The following IBTK variants were observed in gnomAD, a reference collection of about 807,000 sequenced individuals.
The protein encoded by IBTK is BTK-binding protein.
A neutral mutation model predicts 154.9 loss-of-function variants in IBTK; 83 were observed. The observed-to-expected ratio is 0.54, with a 90% confidence interval of 0.45 to 0.64. The LOEUF is 0.64. IBTK is among the 30% of genes least tolerant of loss of function. The pLI is 0.00. For missense variants in IBTK, 1,332 were observed against 1,584.6 expected (o/e 0.84, Z 2.71); for synonymous variants, 515 against 536.1 (o/e 0.96, Z 0.54).
chr6:82,195,836 C>T (rs929478496), intron 22 of IBTK, among the ~76,000 whole-genome samples: 1 of 152,142 alleles, frequency 6.6e-6, no homozygotes, highest in Non-Finnish European at 1.5e-5. Flanking sequence ...GCTTAATGTG[C>T]TAGATTAGGA....
intron 26 of IBTK, among the ~76,000 whole-genome samples, chr6:82,179,121 CAG>C (rs551950598): frequency 5.6e-4 from 85 of 152,310 alleles, no homozygotes; most frequent in Non-Finnish European, 1.0e-3. Flanking sequence ...CAGACTGACT[CAG>C]AGGTGATAGC....
At chr6:82,232,979 T>G (rs1428446291) in intron 3 of IBTK, among the ~76,000 whole-genome samples, 1 of 151,856 alleles carries the variant, frequency 6.6e-6, no homozygotes, top group Non-Finnish European at 1.5e-5. Flanking sequence ...ATGAAGAAAC[T>G]GCATCTCTAC....
chr6:82,216,833 A>G lies in IBTK; in HGVS notation c.1427-583T>C, dbSNP rs562136049. Among the ~76,000 whole-genome samples the G allele has an allele frequency of 2.0e-5, 3 of 152,262 alleles. No homozygotes were observed. The East Asian group carries it at 5.8e-4, about 29-fold the overall frequency. On this transcript the variant is annotated intron_variant, in intron 10 of 28. Coordinates refer to ENST00000306270, the MANE Select transcript of IBTK (RefSeq NM_015525.4). ...TAGCAGGGAAGACAGACATTACACA[A>G]ATGATTATATCATTACAAGTAAAAT...
rs1242385517 is a variant in IBTK, at chr6:82,202,625, T to C, written c.2632A>G (p.Met878Val). Residue 878 changes from methionine to valine, a missense_variant, in exon 18 of 29, where the codon ATG becomes GTG. By Grantham distance (21) the Met-to-Val change is conservative. This residue lies in a region of IBTK where 1,134 missense variants were observed against 1,274.7 expected (regional missense o/e 0.89). Transcript: ENST00000306270. ...TACATTGCTGCAAATTCCAGTAGCA[T>C]AGCAGCATTCTTCAGGGTAACTACA... The part of the protein sequence containing the change: ...TEKLTLKNAA[M>V]LLEFAAMYSA... The C allele has an allele frequency of 1.3e-6, 2 of 1,597,328 alleles. No homozygotes were observed. Among genetic ancestry groups the C allele is most frequent in the Admixed American group, 1.8e-5 (1 of 57,082 alleles).
At chr6:82,212,018 G>A (rs1049424448) in intron 13 of IBTK, among the ~76,000 whole-genome samples, 3 of 151,874 alleles carry the variant, frequency 2.0e-5, no homozygotes, top group Non-Finnish European at 2.9e-5. Context: ...TCTTTGAAAC[G>A]GGGTCTCGTT....
At chr6:82,223,960 C>G in intron 7 of IBTK, 108 bp downstream of exon 7, 1 of 716,542 alleles carries the variant, frequency 1.4e-6, no homozygotes, top group Non-Finnish European at 2.3e-6. Context: ...AACAAACAAA[C>G]AAAAAATCAC....
chr6:82,239,291 A>G (rs1304443642), intron 2 of IBTK, among the ~76,000 whole-genome samples: 1 of 151,526 alleles, frequency 6.6e-6, no homozygotes, highest in African/African-American at 2.4e-5. Flanking sequence ...AAAATACAAA[A>G]AATTAGCCAG....
rs1361323258 is a variant in IBTK at position 82,190,395 on chromosome 6, TC to T, written c.3575+677del. 5.9e-5 allele frequency among the ~76,000 whole-genome samples: 9 copies of T among 152,196 alleles called. 1 individual carries two copies. Among genetic ancestry groups the T allele is most frequent in the Admixed American group, 2.6e-4 (4 of 15,264 alleles). ...GATTTCTTCGTAAGGCTTCACATTC[TC>T]CATGTAGTTCTCCAGTATTGGTTTC... On this transcript the variant is annotated intron_variant, in intron 25 of 28. Transcript: ENST00000306270.
intron 16 of IBTK, 42 bp from the exon 17 acceptor site, chr6:82,205,000 AC>A: frequency 7.7e-7 from 1 of 1,300,910 alleles, no homozygotes; most frequent in Admixed American, 2.3e-5. Flanking sequence ...TTCTTTGTAT[AC>A]ATTATACCTA....
At position 82,189,394 on chromosome 6, in the gene IBTK, C is replaced by T. The variant is rs114275439; in HGVS notation, c.3575+1679G>A. Among the ~76,000 whole-genome samples the T allele has an allele frequency of 7.2e-3, 1,095 of 152,188 alleles. 10 individuals carry two copies. The highest frequency in any genetic ancestry group is 0.025 in the African/African-American group (1,042 of 41,520). ...CTCCAAATGATTTCCAATTTAGAATCCCGTTCCCATCTATCAGTCAAGAAG... is the reference window on the plus strand; with the variant it reads ...CTCCAAATGATTTCCAATTTAGAATTCCGTTCCCATCTATCAGTCAAGAAG... On this transcript the variant is annotated intron_variant, in intron 25 of 28. Transcript: ENST00000306270.
intron 1 of IBTK, among the ~76,000 whole-genome samples, chr6:82,244,727 T>C (rs1324398667): frequency 6.6e-6 from 1 of 152,100 alleles, no homozygotes; most frequent in Non-Finnish European, 1.5e-5. Context: ...AAAAACTGCT[T>C]AAAGAAGGGG....
intron 4 of IBTK, among the ~76,000 whole-genome samples, chr6:82,230,758 TACACATACATACAC>T (rs1770473888): frequency 6.6e-6 from 1 of 152,182 alleles, no homozygotes; most frequent in Non-Finnish European, 1.5e-5. Context: ...GGGCTAGAGA[TACACATACATACAC>T]ACATATACAC....
intron 13 of IBTK, 57 bp from the exon 14 acceptor site, chr6:82,211,629 A>C: frequency 7.2e-7 from 1 of 1,386,322 alleles, no homozygotes; most frequent in Non-Finnish European, 1.0e-6. Context: ...TTAGTGAAAA[A>C]GATTATAGGA....
chr6:82,206,132 G>A (rs1020735893), intron 16 of IBTK, among the ~76,000 whole-genome samples: 1 of 152,088 alleles, frequency 6.6e-6, no homozygotes, highest in Non-Finnish European at 1.5e-5. Context: ...AAGAACAGTG[G>A]GATTCAGGAC....
intron 18 of IBTK, among the ~76,000 whole-genome samples, chr6:82,202,200 T>G (rs915506133): frequency 1.3e-5 from 2 of 152,172 alleles, no homozygotes; most frequent in African/African-American, 4.8e-5. Flanking sequence ...AGCTTTAAAA[T>G]AAAAACTGAC....
intron 9 of IBTK, 146 bp from the exon 10 acceptor site, chr6:82,218,283 T>C (rs955140036): frequency 1.1e-5 from 5 of 476,116 alleles, no homozygotes; most frequent in African/African-American, 2.0e-5. Context: ...CAGAAAAAGA[T>C]AGCTACTATA....
At chr6:82,212,218 T>C (rs1361040951) in intron 13 of IBTK, among the ~76,000 whole-genome samples, 1 of 152,122 alleles carries the variant, frequency 6.6e-6, no homozygotes, top group Non-Finnish European at 1.5e-5. Context: ...GCTCTTGACC[T>C]CAGGTGATCC....
chr6:82,186,349 G>T (rs1768555061), intron 25 of IBTK, among the ~76,000 whole-genome samples: 1 of 152,102 alleles, frequency 6.6e-6, no homozygotes. Flanking sequence ...GCACCACCCT[G>T]ATCAGTCAGC....
intron 15 of IBTK, 81 bp from the exon 16 acceptor site, chr6:82,210,991 C>T (rs1769614470): frequency 5.8e-6 from 4 of 684,492 alleles, no homozygotes. Flanking sequence ...GTTATTGGTA[C>T]AAAACACTCT....
Sources: allele counts gnomAD v4.1 joint callset (sites outside exome capture counted in the v4.1 genomes callset), GRCh38; gene constraint gnomAD v4.1.1; regional missense constraint gnomAD v4.1.1; transcripts MANE v1.5; gene names NCBI Gene and HGNC (gene_info 2026-07-23, HGNC 2026-07-21).